Variants in TBCE observed in about 807,000 individuals in gnomAD.
TBCE encodes the protein tubulin-specific chaperone E.
In TBCE, 53 loss-of-function variants were observed where a neutral mutation model predicts 77.0. The observed-to-expected ratio is 0.69, with a 90% confidence interval of 0.55 to 0.87. The LOEUF (loss-of-function observed/expected upper bound fraction) is 0.87, where lower values mean the gene tolerates loss of function less well. TBCE is among the 40% of genes least tolerant of loss of function. The probability of loss-of-function intolerance (pLI) is 0.00; values close to 1 mark genes in which losing one functional copy is unlikely to be tolerated. For missense variants in TBCE, 624 were observed against 622.4 expected, an observed-to-expected ratio of 1.00 and a Z score of -0.03; for synonymous variants, 235 against 241.3, an observed-to-expected ratio of 0.97 and a Z score of 0.24.
At chr1:235,421,674 C>T (rs1410775434) in intron 5 of TBCE, among the ~76,000 whole-genome samples, 1 of 152,010 alleles carries the variant, frequency 6.6e-6, no homozygotes, top group African/African-American at 2.4e-5. Flanking sequence ...TGCCATTGCA[C>T]TCCAGCCTGG....
chr1:235,392,137 C>T (rs939176752), intron 2 of TBCE, among the ~76,000 whole-genome samples: 6 of 151,490 alleles, frequency 4.0e-5, no homozygotes, highest in Admixed American at 1.3e-4. Flanking sequence ...GCCTAGGTAA[C>T]GTAACAAGAT....
In TBCE at chr1:235,450,620, C is replaced by T. The variant is rs1041282660; in HGVS notation, c.*1858C>T. On this transcript the variant is annotated 3_prime_UTR_variant, in exon 17 of 17. Transcript: ENST00000642610. ...ATTCCGTAATGAACGATTTTAGAAA[C>T]CACAAGTGAGTTTCATGTTTGCTAG... 4 of 373,044 alleles carry T rather than the reference C, an allele frequency of 1.1e-5. No homozygotes were observed. The East Asian group carries it at 2.1e-4, about 20-fold the overall frequency. The allele number at this position is 373,044 out of a possible 1,614,324, so 23.1% of individuals were successfully genotyped here.
At chr1:235,423,116 T>G (rs76833475) in intron 5 of TBCE, among the ~76,000 whole-genome samples, 10,787 of 152,202 alleles carry the variant, frequency 0.071, 732 homozygotes, top group African/African-American at 0.18. Context: ...TTTTTTGGGT[T>G]GGTCTGTCTT....
intron 2 of TBCE, among the ~76,000 whole-genome samples, chr1:235,383,836 A>G (rs968635703): frequency 7.2e-5 from 11 of 152,142 alleles, no homozygotes; most frequent in Non-Finnish European, 7.4e-5. Flanking sequence ...TGCCCTGGCC[A>G]GAACTTCCAA....
intron 3 of TBCE, among the ~76,000 whole-genome samples, chr1:235,412,138 C>CCCTTCCCATCCCTTT (rs1572386489): frequency 2.3e-4 from 4 of 17,734 alleles, no homozygotes; most frequent in African/African-American, 1.0e-3. Flanking sequence ...CCCTTCTCCT[C>CCCTTCCCATCCCTTT]CCCTTCCCCT....
intron 3 of TBCE, among the ~76,000 whole-genome samples, chr1:235,411,627 T>C (rs977172227): frequency 6.6e-6 from 1 of 152,118 alleles, no homozygotes; most frequent in African/African-American, 2.4e-5. Context: ...GGCTACTCCA[T>C]AGGCAGAGCA....
At chr1:235,425,764 C>G (rs1489124383) in intron 5 of TBCE, among the ~76,000 whole-genome samples, 1 of 152,036 alleles carries the variant, frequency 6.6e-6, no homozygotes, top group East Asian at 1.9e-4. Context: ...TGAGCTCGTT[C>G]CCACCCCAGG....
At chr1:235,377,948 T>C (rs1356987805) in intron 1 of TBCE, among the ~76,000 whole-genome samples, 4 of 151,718 alleles carry the variant, frequency 2.6e-5, no homozygotes, top group African/African-American at 9.7e-5. Context: ...ACCACTCCCC[T>C]TCCATCTACC....
intron 2 of TBCE, among the ~76,000 whole-genome samples, chr1:235,389,392 A>G (rs1416202786): frequency 1.3e-5 from 2 of 152,156 alleles, no homozygotes; most frequent in Non-Finnish European, 2.9e-5. Context: ...CAATGGCACA[A>G]TCTCGGCTCA....
chr1:235,428,132 A>G (rs1444112298), intron 6 of TBCE, among the ~76,000 whole-genome samples: 2 of 151,548 alleles, frequency 1.3e-5, no homozygotes, highest in African/African-American at 4.8e-5. Context: ...AGACCATCAT[A>G]GCTAACAAAG....
intron 2 of TBCE, among the ~76,000 whole-genome samples, chr1:235,397,217 T>G (rs1678788675): frequency 6.7e-6 from 1 of 150,174 alleles, no homozygotes. Flanking sequence ...TTTTTTTTTT[T>G]TTGAGACGGA....
At chr1:235,431,361 T>A (rs991193184) in intron 7 of TBCE, among the ~76,000 whole-genome samples, 3 of 151,570 alleles carry the variant, frequency 2.0e-5, no homozygotes, top group African/African-American at 7.3e-5. Flanking sequence ...GCATTCCACT[T>A]TCTTTTTTTT....
chr1:235,436,677 T>C, intron 11 of TBCE, 69 bp downstream of exon 11: 1 of 1,426,064 alleles, frequency 7.0e-7, no homozygotes, highest in South Asian at 1.1e-5. Flanking sequence ...AGTTTGGAGG[T>C]TCCTTCTACC....
chr1:235,428,963 A>ATGTGTGTGTGTGTGTGTGTGTGTG (rs1200547096), intron 6 of TBCE: 2 of 129,598 alleles, frequency 1.5e-5, no homozygotes, highest in African/African-American at 6.2e-5. Context: ...GTATATATGT[A>ATGTGTGTGTGTGTGTGTGTGTGTG]TGTGTGTATA....
At chr1:235,438,565 A>G (rs1167685772) in intron 12 of TBCE, among the ~76,000 whole-genome samples, 2 of 151,712 alleles carry the variant, frequency 1.3e-5, no homozygotes, top group African/African-American at 2.4e-5. Context: ...AAAAAAAAAG[A>G]GTGTAAAACT....
At chr1:235,381,685 C>CAAAAAAA (rs574997840) in intron 2 of TBCE, among the ~76,000 whole-genome samples, 1 of 43,192 alleles carries the variant, frequency 2.3e-5, no homozygotes, top group Non-Finnish European at 3.9e-5. Context: ...ACTCCTTCTC[C>CAAAAAAA]AAAAAAAAAA....
intron 2 of TBCE, among the ~76,000 whole-genome samples, chr1:235,391,453 C>T (rs1204991020): frequency 1.3e-5 from 2 of 150,992 alleles, no homozygotes; most frequent in African/African-American, 2.4e-5. Flanking sequence ...CCACTGCACC[C>T]CAGCCTGGGC....
intron 2 of TBCE, among the ~76,000 whole-genome samples, chr1:235,389,394 C>A (rs1205963757): frequency 6.6e-6 from 1 of 152,146 alleles, no homozygotes; most frequent in Admixed American, 6.6e-5. Flanking sequence ...ATGGCACAAT[C>A]TCGGCTCATT....
chr1:235,395,146 G>A (rs548895465), intron 2 of TBCE, among the ~76,000 whole-genome samples: 1 of 152,312 alleles, frequency 6.6e-6, no homozygotes, highest in South Asian at 2.1e-4. Flanking sequence ...GCAGGTTTTT[G>A]TGTGGACATA....
Sources: gnomAD v4.1 joint callset for allele counts (sites outside exome capture counted in the v4.1 genomes callset) on GRCh38, gnomAD v4.1.1 for gene constraint, MANE v1.5 for transcripts, NCBI Gene and HGNC (gene_info 2026-07-23, HGNC 2026-07-21) for gene names.